Variants in TENM3 observed in about 807,000 individuals in gnomAD.
TENM3 encodes teneurin transmembrane protein 3.
TENM3 carries 63 observed loss-of-function variants against 255.1 expected under a neutral mutation model. The ratio of observed to expected loss-of-function variants is 0.25; its 90% confidence interval spans 0.20 to 0.30. The LOEUF (loss-of-function observed/expected upper bound fraction) is 0.30. Among genes scored for constraint, TENM3 ranks in the 10% least tolerant of loss-of-function variants. The probability of loss-of-function intolerance (pLI) is 1.00; values close to 1 mark genes in which losing one functional copy is unlikely to be tolerated. For synonymous variants in TENM3, 1,306 were observed against 1,322.3 expected (o/e 0.99, Z 0.27); for missense variants, 2,929 against 3,461.1 (o/e 0.85, Z 3.86).
intron 12 of TENM3, among the ~76,000 whole-genome samples, chr4:182,710,592 C>T (rs939265846): frequency 6.6e-6 from 1 of 152,194 alleles, no homozygotes; most frequent in African/African-American, 2.4e-5. Context: ...AAACCATGTA[C>T]TGTTTTGTTT....
At chr4:181,843,746 G>T in the TENM3 span, among the ~76,000 whole-genome samples, 2 of 137,340 alleles carry the variant, frequency 1.5e-5, no homozygotes, top group Non-Finnish European at 3.1e-5. Context: ...TTGAGACGGA[G>T]TCTCTCCCTG....
intron 12 of TENM3, among the ~76,000 whole-genome samples, chr4:182,710,914 A>G (rs1270028208): frequency 2.6e-5 from 4 of 152,192 alleles, no homozygotes; most frequent in Non-Finnish European, 4.4e-5. Context: ...ACAGAAAAAG[A>G]TTCAGTCTTA....
chr4:181,916,994 C>T, the TENM3 span, among the ~76,000 whole-genome samples: 3 of 152,244 alleles, frequency 2.0e-5, no homozygotes, highest in South Asian at 2.1e-4. Flanking sequence ...GGTTTTCTAT[C>T]TTTCCTGATT....
chr4:182,306,598 T>A (rs1290406394), intron 1 of TENM3, among the ~76,000 whole-genome samples: 1 of 152,184 alleles, frequency 6.6e-6, no homozygotes, highest in African/African-American at 2.4e-5. Flanking sequence ...TTATTATTAC[T>A]GGATAAATAT....
the TENM3 span, among the ~76,000 whole-genome samples, chr4:181,508,892 CTTTTTTTTTTTTTTTTT>C: frequency 5.6e-5 from 3 of 53,816 alleles, no homozygotes; most frequent in African/African-American, 2.4e-4. Context: ...ATTTCCAACA[CTTTTTTTTTTTTTTTTT>C]TTTTTTTTTG....
chr4:181,526,974 G>C, the TENM3 span, among the ~76,000 whole-genome samples: 1 of 152,130 alleles, frequency 6.6e-6, no homozygotes, highest in East Asian at 1.9e-4. Context: ...TCTCTGTCTT[G>C]ATCCTACGGC....
chr4:181,693,445 T>C, the TENM3 span, among the ~76,000 whole-genome samples: 18 of 152,310 alleles, frequency 1.2e-4, no homozygotes, highest in African/African-American at 4.3e-4. Context: ...CCAGTGGAGA[T>C]GGCCCTGAGT....
At chr4:181,537,866 C>A in the TENM3 span, among the ~76,000 whole-genome samples, 3 of 152,196 alleles carry the variant, frequency 2.0e-5, no homozygotes, top group African/African-American at 4.8e-5. Context: ...AATTTACCAA[C>A]AGTAACACAT....
At chr4:182,729,275 A>G (rs1294708112) in intron 14 of TENM3, 94 bp downstream of exon 14, 1 of 1,101,506 alleles carries the variant, frequency 9.1e-7, no homozygotes, top group African/African-American at 1.6e-5. Flanking sequence ...ACCTGAGGAA[A>G]GTGCTGTTTT....
the TENM3 span, among the ~76,000 whole-genome samples, chr4:181,633,212 A>G: frequency 2.6e-5 from 4 of 152,222 alleles, no homozygotes; most frequent in Non-Finnish European, 5.9e-5. Flanking sequence ...GTAGCCTCAC[A>G]GGAAATGCTG....
rs770792001 is a variant in TENM3, at chr4:182,792,600, C to A, written c.5928C>A (p.Val1976=). The A allele has an allele frequency of 6.2e-7, 1 of 1,613,922 alleles. No homozygotes were observed. The highest frequency in any genetic ancestry group is 8.5e-7 in the Non-Finnish European group (1 of 1,179,874). The change falls in exon 26 of 28, where the codon GTC becomes GTA. Residue 1976 remains valine, a synonymous_variant. Transcript: ENST00000511685. This position sits in a 1 kb window ranked among gnomAD's most constrained non-coding sequence, Gnocchi z 6.3. ...TTACCTATGATGAAACAGCAGGAGTCCTAAAGACAGTAAACCTCCAGAGTG... is the reference window on the plus strand; with the variant it reads ...TTACCTATGATGAAACAGCAGGAGTACTAAAGACAGTAAACCTCCAGAGTG... The part of the protein sequence containing the change: ...VSFTYDETAG[V]LKTVNLQSDG...
chr4:182,575,775 A>C (rs1029308774), intron 3 of TENM3, among the ~76,000 whole-genome samples: 3 of 152,198 alleles, frequency 2.0e-5, no homozygotes, highest in Admixed American at 2.0e-4. Context: ...TTAGAAAAGT[A>C]AGAAATTCTT....
chr4:181,786,369 G>T, the TENM3 span, among the ~76,000 whole-genome samples: 2 of 152,162 alleles, frequency 1.3e-5, no homozygotes, highest in Admixed American at 6.5e-5. Flanking sequence ...ATGTGCACGG[G>T]AGTCATACAA....
At chr4:181,530,813 G>A in the TENM3 span, among the ~76,000 whole-genome samples, 1 of 152,204 alleles carries the variant, frequency 6.6e-6, no homozygotes, top group Non-Finnish European at 1.5e-5. Flanking sequence ...GTGCGTGCAT[G>A]TGCATGTATG....
intron 3 of TENM3, among the ~76,000 whole-genome samples, chr4:182,520,691 A>G (rs886508761): frequency 6.6e-6 from 1 of 152,278 alleles, no homozygotes; most frequent in East Asian, 1.9e-4. Context: ...CTAGAAGTAA[A>G]TTTCCTTCTT....
intron 3 of TENM3, among the ~76,000 whole-genome samples, chr4:182,564,957 T>TA (rs1743624340): frequency 6.6e-6 from 1 of 152,264 alleles, no homozygotes; most frequent in Non-Finnish European, 1.5e-5. Flanking sequence ...AATGAATATG[T>TA]GCCGTCTTAC....
chr4:181,917,205 G>T, the TENM3 span, among the ~76,000 whole-genome samples: 2 of 152,166 alleles, frequency 1.3e-5, no homozygotes, highest in Middle Eastern at 3.4e-3. Context: ...TTGGCAGAAA[G>T]GTACAGAACC....
At chr4:181,993,462 TAG>T in the TENM3 span, among the ~76,000 whole-genome samples, 1 of 152,196 alleles carries the variant, frequency 6.6e-6, no homozygotes, top group Non-Finnish European at 1.5e-5. Context: ...ACTTATTTGG[TAG>T]CTAAAGAACA....
At chr4:181,521,613 G>T in the TENM3 span, among the ~76,000 whole-genome samples, 1 of 152,106 alleles carries the variant, frequency 6.6e-6, no homozygotes, top group South Asian at 2.1e-4. Context: ...ATATCTTTAA[G>T]CACTGGAACC....
Sources: allele counts gnomAD v4.1 joint callset (sites outside exome capture counted in the v4.1 genomes callset), GRCh38; gene constraint gnomAD v4.1.1; non-coding constraint Gnocchi (gnomAD v3.1); transcripts MANE v1.5; gene names NCBI Gene and HGNC (gene_info 2026-07-23, HGNC 2026-07-21).